NGEF: variants seen among roughly 807,000 people sequenced by gnomAD.
NGEF encodes the protein neuronal guanine nucleotide exchange factor.
In NGEF, 31 loss-of-function variants were observed where a neutral mutation model predicts 80.9. The observed-to-expected ratio is 0.38, with a 90% confidence interval of 0.29 to 0.52. The LOEUF is 0.52. Ranked by LOEUF, NGEF falls within the 20% of genes least tolerant of loss-of-function variation. The probability of loss-of-function intolerance (pLI) is 0.84; values close to 1 mark genes in which losing one functional copy is unlikely to be tolerated. For synonymous variants in NGEF, 371 were observed against 370.2 expected (o/e 1.00, Z -0.03); for missense variants, 709 against 926.2 (o/e 0.77, Z 3.04).
At chr2:232,939,541 T>A (rs771762490) in intron 3 of NGEF, among the ~76,000 whole-genome samples, 5 of 152,214 alleles carry the variant, frequency 3.3e-5, no homozygotes, top group Admixed American at 6.5e-5. Flanking sequence ...AATTGTTCCT[T>A]GAAAATTACA....
chr2:233,000,469 C>A (rs975600539), intron 1 of NGEF, among the ~76,000 whole-genome samples: 1 of 151,976 alleles, frequency 6.6e-6, no homozygotes, highest in African/African-American at 2.4e-5. Flanking sequence ...AACCTAAATG[C>A]CGCCAGGCGA....
At chr2:232,894,393 G>A (rs1245260697) in intron 6 of NGEF, among the ~76,000 whole-genome samples, 3 of 152,190 alleles carry the variant, frequency 2.0e-5, no homozygotes, top group Non-Finnish European at 4.4e-5. Context: ...GACACCTTCT[G>A]TCCCTGTCAC....
chr2:232,931,369 G>A (rs1226153209), intron 3 of NGEF, among the ~76,000 whole-genome samples: 1 of 152,196 alleles, frequency 6.6e-6, no homozygotes, highest in Non-Finnish European at 1.5e-5. Context: ...TTTTGTGGAA[G>A]GTAGAAATTG....
chr2:232,899,590 ACACGTTCACT>A (rs1692210415), intron 5 of NGEF, among the ~76,000 whole-genome samples: 1 of 149,308 alleles, frequency 6.7e-6, no homozygotes, highest in South Asian at 2.1e-4. Flanking sequence ...TCACTCATAT[ACACGTTCACT>A]CACATTCACT....
At chr2:232,987,172 A>C (rs1175581880) in intron 1 of NGEF, among the ~76,000 whole-genome samples, 1 of 151,990 alleles carries the variant, frequency 6.6e-6, no homozygotes, top group Non-Finnish European at 1.5e-5. Flanking sequence ...ACGTGCCGCC[A>C]CGCCTGGCTA....
chr2:232,983,821 GA>G (rs1694484385), intron 1 of NGEF, among the ~76,000 whole-genome samples: 1 of 152,174 alleles, frequency 6.6e-6, no homozygotes, highest in African/African-American at 2.4e-5. Flanking sequence ...ATCTCTTTTA[GA>G]GACGAGAATG....
intron 3 of NGEF, among the ~76,000 whole-genome samples, chr2:232,944,726 AATATATATATATATATATATAT>A (rs57851903): frequency 4.6e-5 from 5 of 108,712 alleles, no homozygotes; most frequent in Admixed American, 1.9e-4. Flanking sequence ...GACTTTTCCG[AATATATATATATATATATATAT>A]ATATATATAT....
intron 1 of NGEF, among the ~76,000 whole-genome samples, chr2:233,003,019 T>C (rs375044352): frequency 1.3e-5 from 2 of 152,274 alleles, no homozygotes; most frequent in African/African-American, 4.8e-5. Context: ...TGTTCAGGTC[T>C]AGGGGGAGGG....
At chr2:232,888,222 G>GGGGCTGGA in intron 8 of NGEF, 115 bp from the exon 9 acceptor site, 1 of 643,736 alleles carries the variant, frequency 1.6e-6, no homozygotes, top group East Asian at 2.8e-5. Context: ...GCTGCAGCAT[G>GGGGCTGGA]CACACACACA....
chr2:232,927,990 G>A, intron 3 of NGEF: 1 of 1,274,194 alleles, frequency 7.8e-7, no homozygotes, highest in South Asian at 2.7e-5. Flanking sequence ...GCAGCGGCCA[G>A]CAGCTCCATA....
chr2:233,002,722 A>G (rs1695006798), intron 1 of NGEF, among the ~76,000 whole-genome samples: 1 of 152,220 alleles, frequency 6.6e-6, no homozygotes, highest in South Asian at 2.1e-4. Flanking sequence ...CGTTCAGGAA[A>G]CACTAGATTG....
chr2:233,005,488 C>T lies in NGEF; in HGVS notation c.-75+7580G>A, dbSNP rs73107126. On this transcript the variant is annotated intron_variant, in intron 1 of 14. Transcript: ENST00000264051. ...GCCCATGTGCTTACAAGGCCACCTT[C>T]TGTGGCAAAAAGTTCAGCATCTTGA... Among the ~76,000 whole-genome samples the T allele has an allele frequency of 8.4e-3, 1,274 of 152,360 alleles. 15 individuals are homozygous for T. The highest frequency in any genetic ancestry group is 0.028 in the African/African-American group (1,170 of 41,594).
Position 232,884,076 on chromosome 2 carries a change from G to A in NGEF, c.1506C>T (p.Pro502=), listed in dbSNP as rs150748088. The A allele has an allele frequency of 7.4e-6, 12 of 1,612,772 alleles. No homozygotes were observed. In the African/African-American group the frequency reaches 1.2e-4, roughly 16 times the overall value. Residue 502 remains proline, a synonymous_variant, in exon 11 of 15, where the codon CCC becomes CCT. Transcript: ENST00000264051. ...TGGTCCTCAGGGTCCGGGAGGTCTT[G>A]GGGCCTGACATCTGCTGCAGCTCAC... The part of the protein sequence containing the change: ...KQGELQQMSG[P]KTSRTLRTKK...
chr2:232,928,217 G>T, intron 3 of NGEF: 1 of 963,756 alleles, frequency 1.0e-6, no homozygotes, highest in Non-Finnish European at 1.2e-6. Context: ...GGCGGGAGGG[G>T]CGCGCGCGGC....
At chr2:232,949,000 A>G (rs1414786547) in intron 3 of NGEF, among the ~76,000 whole-genome samples, 1 of 151,954 alleles carries the variant, frequency 6.6e-6, no homozygotes, top group East Asian at 1.9e-4. Context: ...CCTGGGCAAC[A>G]GAGCAAGACT....
rs1175412046 is a variant in NGEF, at chr2:232,969,472, TCTTCCTTCCTTCCTTCCTC to T, written c.383+723_383+741del. Among the ~76,000 whole-genome samples the T allele has an allele frequency of 3.2e-3, 300 of 92,744 alleles. 1 individual carries two copies. The highest frequency in any genetic ancestry group is 0.015 in the African/African-American group (237 of 15,808). The allele number at this position is 92,744 out of a possible 152,430, so 60.8% of individuals were successfully genotyped here. A position where few individuals can be genotyped will look rare whatever the true frequency, so the allele number is the denominator to read the frequency against. On this transcript the variant is annotated intron_variant, in intron 3 of 14. Transcript: ENST00000264051. ...CCCCTTCCTTCCTTCCTTCCTTCCT[TCTTCCTTCCTTCCTTCCTC>T]CCTCCCTCCCTCCCTCCCCTGCTTC...
At chr2:232,999,559 AT>A (rs1380218088) in intron 1 of NGEF, among the ~76,000 whole-genome samples, 1 of 152,222 alleles carries the variant, frequency 6.6e-6, no homozygotes, top group Non-Finnish European at 1.5e-5. Context: ...TGTCTCTCAC[AT>A]TTCCCTGCCA....
At chr2:232,930,122 G>A (rs1256943665) in intron 3 of NGEF, among the ~76,000 whole-genome samples, 4 of 152,028 alleles carry the variant, frequency 2.6e-5, no homozygotes, top group Non-Finnish European at 5.9e-5. Flanking sequence ...GCGTGAGAGC[G>A]GAGTAATACA....
chr2:232,920,695 G>A (rs1238379662), intron 4 of NGEF, 110 bp from the exon 5 acceptor site: 5 of 1,100,528 alleles, frequency 4.5e-6, no homozygotes, highest in Non-Finnish European at 6.3e-6. Context: ...GCTGTGTCCA[G>A]GAATACACAG....
Sources: allele counts gnomAD v4.1 joint callset (sites outside exome capture counted in the v4.1 genomes callset), GRCh38; gene constraint gnomAD v4.1.1; transcripts MANE v1.5; gene names NCBI Gene and HGNC (gene_info 2026-07-23, HGNC 2026-07-21).